NKTR: variants seen among roughly 807,000 people sequenced by gnomAD.
NKTR encodes the protein natural killer cell triggering receptor, also known as NK-tumor recognition protein.
Under a neutral mutation model 156.3 loss-of-function variants are expected in NKTR, and 67 were observed. The observed-to-expected ratio is 0.43, with a 90% CI of 0.35 to 0.53. The LOEUF (loss-of-function observed/expected upper bound fraction) is 0.53, where lower values mean the gene tolerates loss of function less well. NKTR is among the 20% of genes least tolerant of loss of function. NKTR has a pLI of 0.01. For synonymous variants in NKTR, 640 were observed against 596.6 expected (o/e 1.07, Z -1.06); for missense variants, 1,604 against 1,730.9 (o/e 0.93, Z 1.30).
intron 2 of NKTR, chr3:42,603,025 CAA>C (rs35896209): frequency 6.5e-4 from 67 of 102,626 alleles, no homozygotes; most frequent in Non-Finnish European, 8.9e-4. Flanking sequence ...GACCCTGTCT[CAA>C]AAAAAAAAAA....
rs569088228 is a variant in NKTR, at chr3:42,601,317, C to T, written c.58+253C>T. 1.7e-5 allele frequency: 6 copies of T among 348,444 alleles called. No individual in the cohort carries two copies. The South Asian group carries it at 4.4e-4, about 26-fold the overall frequency. 21.6% of individuals were successfully genotyped at this position (348,444 alleles called of 1,614,324 possible). On this transcript the variant is annotated intron_variant, in intron 2 of 16. Coordinates refer to ENST00000232978, the MANE Select transcript of NKTR (RefSeq NM_005385.4). Reference sequence around the variant, plus strand: ...CTCCGGACTGAGTCCTCGTAGCCAGCCTGGCGCCAAGAAAAGGAGGTGCAG... The same window carrying T: ...CTCCGGACTGAGTCCTCGTAGCCAGTCTGGCGCCAAGAAAAGGAGGTGCAG...
At position 42,637,727 on chromosome 3, in the gene NKTR, C is replaced by G. The variant is rs1418990150; in HGVS notation, c.2023C>G (p.Gln675Glu). 6.2e-7 allele frequency: 1 copy of G among 1,613,996 alleles called. No individual in the cohort carries two copies. Among genetic ancestry groups the G allele is most frequent in the South Asian group, 1.1e-5 (1 of 91,024 alleles). Reference protein sequence around the residue: ...HKREKNSESDQSTYSKYSDRS... With the variant: ...HKREKNSESDESTYSKYSDRS... ...AAGAGAAAAAAATTCGGAAAGTGAT[C>G]AGAGCACTTATTCAAAATACAGTGA... The change falls in exon 13 of 17, where the codon CAG (glutamine) becomes GAG (glutamate). Residue 675 changes from glutamine (Q) to glutamate (E), a missense_variant. Gln to Glu is a conservative substitution (Grantham distance 29). This residue lies in a region of NKTR where 1,255 missense variants were observed against 1,243.7 expected (regional missense o/e 1.01). Transcript: ENST00000232978.
chr3:42,633,854 G>A, intron 10 of NKTR, 119 bp downstream of exon 10: 2 of 1,072,136 alleles, frequency 1.9e-6, no homozygotes, highest in Non-Finnish European at 2.8e-6. Flanking sequence ...TTGAAAGATA[G>A]TATGGGAGTA....
chr3:42,607,546 G>A lies in NKTR; in HGVS notation c.58+6482G>A, dbSNP rs17074630. On this transcript the variant is annotated intron_variant, in intron 2 of 16. Coordinates refer to ENST00000232978, the MANE Select transcript of NKTR (RefSeq NM_005385.4). The stretch of plus-strand genomic sequence containing the variant: ...ATGGAGACTGTTTTAGATTAAAAGA[G>A]GCCAACAAATGAAAACCAAATGGGT... 4.1e-3 allele frequency among the ~76,000 whole-genome samples: 622 copies of A among 152,114 alleles called. 4 individuals are homozygous for A. Among genetic ancestry groups the A allele is most frequent in the African/African-American group, 0.014 (576 of 41,496 alleles).
chr3:42,608,713 G>A (rs1559551630), intron 2 of NKTR, among the ~76,000 whole-genome samples: 1 of 152,180 alleles, frequency 6.6e-6, no homozygotes. Context: ...TCTAACCAAG[G>A]CATGGTTTTT....
chr3:42,605,788 G>A (rs1706176061), intron 2 of NKTR, among the ~76,000 whole-genome samples: 1 of 152,174 alleles, frequency 6.6e-6, no homozygotes, highest in Non-Finnish European at 1.5e-5. Flanking sequence ...GACTTGCACT[G>A]TATATGCTCA....
intron 2 of NKTR, chr3:42,601,365 C>T (rs553826111): frequency 2.5e-4 from 63 of 255,742 alleles, no homozygotes; most frequent in Non-Finnish European, 4.4e-4. Context: ...TTTTTCTCTC[C>T]CAGTGTCTCC....
At chr3:42,628,535 T>A in intron 6 of NKTR, 1 of 985,442 alleles carries the variant, frequency 1.0e-6, no homozygotes, top group Non-Finnish European at 1.2e-6. Flanking sequence ...AATTGGGCTC[T>A]TTATGTTTTA....
At chr3:42,645,836 T>G (rs774587768) in intron 16 of NKTR, 52 bp from the exon 17 acceptor site, 85 of 1,291,154 alleles carry the variant, frequency 6.6e-5, no homozygotes, top group South Asian at 5.1e-5. Context: ...TAAGAGGAAT[T>G]CAAAGATTTT....
At chr3:42,634,066 T>C (rs1220268317) in intron 10 of NKTR, among the ~76,000 whole-genome samples, 2 of 152,230 alleles carry the variant, frequency 1.3e-5, no homozygotes, top group African/African-American at 2.4e-5. Context: ...GTTTTAGTTA[T>C]CAGAATAGAG....
At chr3:42,619,980 C>T in intron 5 of NKTR, 4 of 1,530,690 alleles carry the variant, frequency 2.6e-6, no homozygotes, top group Non-Finnish European at 3.5e-6. Flanking sequence ...TCCTATCTTC[C>T]TGCCTAAAAC....
chr3:42,629,076 A>G (rs1708660167), intron 6 of NKTR: 1 of 944,460 alleles, frequency 1.1e-6, no homozygotes, highest in Non-Finnish European at 1.3e-6. Flanking sequence ...TTCTGTACCA[A>G]TTTCTTGTCT....
chr3:42,633,386 T>C (rs1291264654), intron 9 of NKTR, 194 bp from the exon 10 acceptor site: 1 of 1,362,026 alleles, frequency 7.3e-7, no homozygotes, highest in Non-Finnish European at 9.4e-7. Flanking sequence ...TTTAACAATT[T>C]TCCTATCAAA....
intron 12 of NKTR, among the ~76,000 whole-genome samples, chr3:42,635,907 C>CAA (rs373260157): frequency 1.8e-4 from 20 of 114,120 alleles, no homozygotes; most frequent in African/African-American, 4.3e-4. Flanking sequence ...GACTCCGTCT[C>CAA]AAAAAAAAAA....
In NKTR at chr3:42,638,120, G is replaced by C; in HGVS notation, c.2416G>C (p.Asp806His). 3.1e-6 allele frequency: 5 copies of C among 1,613,930 alleles called. No homozygotes were observed. The highest frequency in any genetic ancestry group is 4.2e-6 in the Non-Finnish European group (5 of 1,180,012). ...GTATAGCGAGAGCAGATCATCTTTA[G>C]ATTATTCTTCAGACAGTGAGCAGTC... The part of the protein sequence containing the change: ...RKYSESRSSL[D>H]YSSDSEQSSV... The change falls in exon 13 of 17, where the codon GAT (aspartate) becomes CAT (histidine). Residue 806 changes from aspartate (D) to histidine (H), a missense_variant. Coordinates refer to ENST00000232978, the MANE Select transcript of NKTR (RefSeq NM_005385.4).
Position 42,638,522 on chromosome 3 carries a change from T to C in NKTR, c.2818T>C (p.Ser940Pro), listed in dbSNP as rs143097577. The C allele has an allele frequency of 1.9e-6, 3 of 1,612,326 alleles. No individual in the cohort carries two copies. The African/African-American group carries it at 4.0e-5, about 22-fold the overall frequency. Residue 940 changes from serine to proline, a missense_variant, in exon 13 of 17, where the codon TCA becomes CCA. Around this residue, in one of 6 missense-constraint regions of NKTR, gnomAD observed 1,255 missense variants for 1,243.7 expected, o/e 1.01. Transcript: ENST00000232978. ...CACAACCAAGTCGTCCACAAATACT[T>C]CACTGCCTGATGATAATGGTGCTTG... ...KPTTKSSTNT[S>P]LPDDNGAWKS...
chr3:42,617,047 A>G (rs970162694), intron 2 of NKTR, among the ~76,000 whole-genome samples: 7 of 152,244 alleles, frequency 4.6e-5, no homozygotes, highest in African/African-American at 1.4e-4. Context: ...GTGAGCCACC[A>G]TGCCCAGCTT....
chr3:42,644,012 C>G lies in NKTR; in HGVS notation c.4301+9C>G. 1 of 1,605,090 alleles carries G rather than the reference C, an allele frequency of 6.2e-7. No individual in the cohort carries two copies. The stretch of plus-strand genomic sequence containing the variant: ...TATAATCGGCGGTCCAGGTGGGTCT[C>G]TCTCCTTTATCGTCCTTTATCGCAC... On this transcript the variant is annotated intron_variant, in intron 16 of 16. Coordinates refer to ENST00000232978, the MANE Select transcript of NKTR (RefSeq NM_005385.4).
chr3:42,619,003 T>C lies in NKTR; in HGVS notation c.134-17T>C. ...AAATAATTAAACTTCATTTCTTTTT[T>C]TTTTTTTTTTTTCCAGGAGAGAAAG... On this transcript the variant is annotated splice_polypyrimidine_tract_variant and intron_variant, in intron 3 of 16. Coordinates refer to ENST00000232978, the MANE Select transcript of NKTR (RefSeq NM_005385.4). 6.5e-7 allele frequency: 1 copy of C among 1,538,186 alleles called. No individual in the cohort carries two copies. The highest frequency in any genetic ancestry group is 8.7e-7 in the Non-Finnish European group (1 of 1,143,896).
Sources: gnomAD v4.1 joint callset for allele counts (sites outside exome capture counted in the v4.1 genomes callset) on GRCh38, gnomAD v4.1.1 for gene constraint, gnomAD v4.1.1 regional missense constraint, MANE v1.5 for transcripts, NCBI Gene and HGNC (gene_info 2026-07-23, HGNC 2026-07-21) for gene names.